Variants in CDH18 observed in about 807,000 individuals in gnomAD.
The protein encoded by CDH18 is cadherin-18.
In CDH18, 31 loss-of-function variants were observed where a neutral mutation model predicts 67.9. The ratio of observed to expected loss-of-function variants is 0.46; its 90% CI spans 0.34 to 0.62. The LOEUF is 0.62. CDH18 is among the 20% of genes least tolerant of loss of function. The pLI is 0.01. For synonymous variants in CDH18, 362 were observed against 347.2 expected (o/e 1.04, Z -0.48); for missense variants, 890 against 975.5 (o/e 0.91, Z 1.17).
At chr5:20,260,770 T>C (rs971144373) in intron 1 of CDH18, among the ~76,000 whole-genome samples, 1 of 152,182 alleles carries the variant, frequency 6.6e-6, no homozygotes, top group Non-Finnish European at 1.5e-5. Flanking sequence ...AGAAGTAAGA[T>C]ACTATTTTGG....
Position 20,021,794 on chromosome 5 carries a change from T to C in CDH18, c.-517-29780A>G, listed in dbSNP as rs1738445879. Among the ~76,000 whole-genome samples the C allele has an allele frequency of 2.0e-5, 3 of 152,192 alleles. No individual in the cohort carries two copies. In the South Asian group the frequency reaches 6.2e-4, roughly 32 times the overall value. ...ACTCTCAGGTAGTTCTTTATAGCAA[T>C]GTGAGAATGAACTAACACACATGTA... On this transcript the variant is annotated intron_variant, in intron 2 of 14. Transcript: ENST00000507958.
intron 2 of CDH18, among the ~76,000 whole-genome samples, chr5:20,085,267 A>T (rs1316858228): frequency 1.3e-5 from 2 of 152,136 alleles, no homozygotes; most frequent in South Asian, 4.1e-4. Flanking sequence ...TCTTTTTGCT[A>T]AAACATCTCA....
chr5:20,407,507 A>AC (rs1746382811), intron 1 of CDH18, among the ~76,000 whole-genome samples: 1 of 151,678 alleles, frequency 6.6e-6, no homozygotes, highest in African/African-American at 2.4e-5. Flanking sequence ...GAAAAAAAAA[A>AC]AAACTCGTAG....
chr5:19,504,241 A>G (rs1743723980), intron 10 of CDH18, among the ~76,000 whole-genome samples: 1 of 152,040 alleles, frequency 6.6e-6, no homozygotes, highest in Admixed American at 6.6e-5. Flanking sequence ...CAGGATACAG[A>G]AGAGATCAAC....
At chr5:20,158,084 T>C (rs1329839767) in intron 2 of CDH18, among the ~76,000 whole-genome samples, 2 of 152,182 alleles carry the variant, frequency 1.3e-5, no homozygotes. Flanking sequence ...GAGTATTTCA[T>C]ACCATTTGCT....
At position 19,748,112 on chromosome 5, in the gene CDH18, CAAAAAA is replaced by C. The variant is rs766955714; in HGVS notation, c.229-882_229-877del. Among the ~76,000 whole-genome samples the C allele has an allele frequency of 1.3e-4, 2 of 14,858 alleles. 1 individual carries two copies. Among genetic ancestry groups the C allele is most frequent in the Non-Finnish European group, 2.6e-4 (2 of 7,622 alleles). 9.7% of individuals were successfully genotyped at this position (14,858 alleles called of 152,430 possible). ...TGGGAGACAGAGCGAGACTCCATCT[CAAAAAA>C]AAAAAAAAAAAAAAAGAGTACTTTT... On this transcript the variant is annotated intron_variant, in intron 3 of 12. Transcript: ENST00000382275.
intron 1 of CDH18, among the ~76,000 whole-genome samples, chr5:20,433,773 A>G (rs1464371223): frequency 6.6e-6 from 1 of 152,112 alleles, no homozygotes; most frequent in Non-Finnish European, 1.5e-5. Flanking sequence ...TAAAGTATAC[A>G]GCAGGAAAAT....
intron 8 of CDH18, among the ~76,000 whole-genome samples, chr5:19,561,559 C>T (rs1399477437): frequency 6.6e-6 from 1 of 152,068 alleles, no homozygotes; most frequent in Admixed American, 6.6e-5. Context: ...TCAGTGTATA[C>T]TGATCAGGTG....
chr5:20,541,602 C>G (rs1651444), intron 1 of CDH18, among the ~76,000 whole-genome samples: 68,423 of 151,632 alleles, frequency 0.45, 15,675 homozygotes, highest in East Asian at 0.57. Flanking sequence ...TATGGTTCTA[C>G]TTGGAAGGGA....
At chr5:19,589,238 T>C (rs1744704807) in intron 7 of CDH18, among the ~76,000 whole-genome samples, 1 of 152,100 alleles carries the variant, frequency 6.6e-6, no homozygotes, top group African/African-American at 2.4e-5. Flanking sequence ...CAAAATTGTT[T>C]TAAATTTCTA....
chr5:19,583,266 A>T (rs1358574666), intron 7 of CDH18, among the ~76,000 whole-genome samples: 10 of 152,116 alleles, frequency 6.6e-5, no homozygotes, highest in Non-Finnish European at 1.0e-4. Context: ...GAGGAAAATA[A>T]AACTGATAGG....
At chr5:19,957,468 A>T (rs1179473964) in intron 2 of CDH18, among the ~76,000 whole-genome samples, 2 of 151,818 alleles carry the variant, frequency 1.3e-5, no homozygotes, top group African/African-American at 4.8e-5. Context: ...GGGTATATTT[A>T]AAAATATCTA....
chr5:20,252,974 T>A (rs1048914418), intron 2 of CDH18, among the ~76,000 whole-genome samples: 1 of 151,766 alleles, frequency 6.6e-6, no homozygotes, highest in African/African-American at 2.4e-5. Flanking sequence ...AATGTTTAAT[T>A]CATTTGAGAA....
At chr5:20,068,943 C>T (rs1561765111) in intron 2 of CDH18, among the ~76,000 whole-genome samples, 1 of 152,016 alleles carries the variant, frequency 6.6e-6, no homozygotes, top group African/African-American at 2.4e-5. Context: ...TTTTATCACC[C>T]TAATTAGTTC....
intron 2 of CDH18, among the ~76,000 whole-genome samples, chr5:19,906,408 G>T (rs894667450): frequency 6.6e-6 from 1 of 151,548 alleles, no homozygotes; most frequent in Non-Finnish European, 1.5e-5. Flanking sequence ...GTCTATACTG[G>T]ATCTATATCT....
chr5:20,343,682 C>T (rs1359203014), intron 1 of CDH18, among the ~76,000 whole-genome samples: 1 of 152,138 alleles, frequency 6.6e-6, no homozygotes, highest in African/African-American at 2.4e-5. Context: ...GAGCAAATTG[C>T]TCTCACTAGG....
chr5:19,479,884 T>C (rs1739111391), intron 12 of CDH18, among the ~76,000 whole-genome samples: 1 of 152,130 alleles, frequency 6.6e-6, no homozygotes, highest in South Asian at 2.1e-4. Flanking sequence ...TTGAGGGATA[T>C]AATAAAATTT....
intron 5 of CDH18, among the ~76,000 whole-genome samples, chr5:19,680,839 C>T (rs957952986): frequency 1.3e-5 from 2 of 151,802 alleles, no homozygotes; most frequent in East Asian, 1.9e-4. Context: ...TTGGCCATTG[C>T]GGAAAGCAAT....
chr5:19,859,144 C>T (rs1784606261), intron 2 of CDH18, among the ~76,000 whole-genome samples: 1 of 152,060 alleles, frequency 6.6e-6, no homozygotes, highest in African/African-American at 2.4e-5. Context: ...GGATGCTCAC[C>T]TCAGCCAAGG....
Sources: allele counts gnomAD v4.1 joint callset (sites outside exome capture counted in the v4.1 genomes callset), GRCh38; gene constraint gnomAD v4.1.1; transcripts MANE v1.5; gene names NCBI Gene and HGNC (gene_info 2026-07-23, HGNC 2026-07-21).